The following DLC1 variants were observed in gnomAD, a reference collection of about 807,000 sequenced individuals.
The protein encoded by DLC1 is DLC1 Rho GTPase activating protein.
Under a neutral mutation model 140.3 loss-of-function variants are expected in DLC1, and 54 were observed. That is an observed-to-expected ratio of 0.38 (90% CI 0.31 to 0.48). The LOEUF (loss-of-function observed/expected upper bound fraction) is 0.48, where lower values mean the gene tolerates loss of function less well. Ranked by LOEUF, DLC1 falls within the 20% of genes least tolerant of loss-of-function variation. DLC1 has a pLI of 0.96. For synonymous variants in DLC1, 986 were observed against 728.1 expected (o/e 1.35, Z -5.70); for missense variants, 2,536 against 1,907.0 (o/e 1.33, Z -6.14).
At chr8:13,144,492 A>G (rs1312529743) in intron 5 of DLC1, among the ~76,000 whole-genome samples, 1 of 152,208 alleles carries the variant, frequency 6.6e-6, no homozygotes, top group African/African-American at 2.4e-5. Flanking sequence ...CGGGCCCAGC[A>G]CAGTGGCTCA....
intron 1 of DLC1, among the ~76,000 whole-genome samples, chr8:13,542,550 T>A (rs1803520460): frequency 6.6e-6 from 1 of 152,170 alleles, no homozygotes; most frequent in Non-Finnish European, 1.5e-5. Flanking sequence ...ATCAATTTCT[T>A]TGAAAGAAAG....
intron 15 of DLC1, 114 bp downstream of exon 15, chr8:13,090,138 G>A: frequency 1.0e-6 from 1 of 965,036 alleles, no homozygotes; most frequent in Non-Finnish European, 1.5e-6. Context: ...CTCTACAAGG[G>A]AGGTTGTGGG....
At chr8:13,517,922 G>A (rs1009111987), upstream of DLC1, among the ~76,000 whole-genome samples, 1 of 152,028 alleles carries the variant, frequency 6.6e-6, no homozygotes, top group Non-Finnish European at 1.5e-5. Flanking sequence ...TTAAATTATT[G>A]CCTTTTTTAA....
At chr8:13,507,771 G>A (rs1802165258) in intron 1 of DLC1, among the ~76,000 whole-genome samples, 1 of 152,120 alleles carries the variant, frequency 6.6e-6, no homozygotes, top group Non-Finnish European at 1.5e-5. Context: ...TGTCTGGAAA[G>A]CATCAAAAAC....
chr8:13,368,141 C>T (rs1178437296), intron 4 of DLC1, among the ~76,000 whole-genome samples: 6 of 152,110 alleles, frequency 3.9e-5, no homozygotes, highest in Admixed American at 6.5e-5. Flanking sequence ...AAAGTTAGAG[C>T]TCTTCTGTTG....
chr8:13,570,037 T>C (rs1282742001), intron 1 of DLC1, among the ~76,000 whole-genome samples: 1 of 152,250 alleles, frequency 6.6e-6, no homozygotes, highest in South Asian at 2.1e-4. Flanking sequence ...CCCAGAATTA[T>C]TTTTCTAACA....
chr8:13,506,029 T>C (rs1037220581), intron 1 of DLC1, among the ~76,000 whole-genome samples: 1 of 144,200 alleles, frequency 6.9e-6, no homozygotes, highest in African/African-American at 2.5e-5. Flanking sequence ...TATTTTGTCC[T>C]TTGAGAATAC....
At chr8:13,092,515 G>A in intron 13 of DLC1, 97 bp downstream of exon 13, 2 of 1,364,784 alleles carry the variant, frequency 1.5e-6, no homozygotes, top group Non-Finnish European at 2.0e-6. Flanking sequence ...CTTCTTGCTT[G>A]TTTCAGGAAA....
upstream of DLC1, among the ~76,000 whole-genome samples, chr8:13,517,171 T>C (rs186998873): frequency 1.1e-4 from 16 of 152,290 alleles, no homozygotes; most frequent in East Asian, 2.3e-3. Context: ...TTTCCTAATA[T>C]AACTTGATAT....
chr8:13,236,425 T>C (rs895914544), intron 5 of DLC1, among the ~76,000 whole-genome samples: 35 of 152,266 alleles, frequency 2.3e-4, no homozygotes, highest in African/African-American at 7.7e-4. Context: ...TAAATTGGCA[T>C]TGAAAACAGA....
At chr8:13,181,859 G>A (rs1442056706) in intron 5 of DLC1, among the ~76,000 whole-genome samples, 1 of 152,088 alleles carries the variant, frequency 6.6e-6, no homozygotes, top group African/African-American at 2.4e-5. Flanking sequence ...CCCAGTAATG[G>A]GATTTTGGGG....
rs1039737134 is a variant in DLC1 at position 13,567,820 on chromosome 8, G to A, written c.-126+36717C>T. 1.9e-6 allele frequency: 3 copies of A among 1,551,704 alleles called. No homozygotes were observed. The African/African-American group carries it at 4.1e-5, about 21-fold the overall frequency. On this transcript the variant is annotated intron_variant, in intron 1 of 1. Coordinates refer to the DLC1 transcript ENST00000631382. ...AAGTCATATCAGATACTCTGGTTTTGAAAGATCAGAGACAGAGCAGAAGTT... is the reference window on the plus strand; with the variant it reads ...AAGTCATATCAGATACTCTGGTTTTAAAAGATCAGAGACAGAGCAGAAGTT...
At chr8:13,201,207 A>T (rs1827362354) in intron 5 of DLC1, among the ~76,000 whole-genome samples, 1 of 152,184 alleles carries the variant, frequency 6.6e-6, no homozygotes, top group Non-Finnish European at 1.5e-5. Flanking sequence ...GGAATCTTTC[A>T]GAGTTGCATT....
intron 5 of DLC1, among the ~76,000 whole-genome samples, chr8:13,289,504 T>A (rs1586076966): frequency 6.6e-6 from 1 of 151,974 alleles, no homozygotes; most frequent in East Asian, 1.9e-4. Context: ...TTGTTCAAAT[T>A]TTTTTTTGTA....
At chr8:13,215,287 T>C (rs1039052272) in intron 5 of DLC1, among the ~76,000 whole-genome samples, 19 of 152,150 alleles carry the variant, frequency 1.2e-4, no homozygotes, top group African/African-American at 2.4e-5. Context: ...ACTCTGAATT[T>C]AAATATTAAA....
chr8:13,288,355 C>T (rs1831614807), intron 5 of DLC1, among the ~76,000 whole-genome samples: 1 of 152,170 alleles, frequency 6.6e-6, no homozygotes, highest in South Asian at 2.1e-4. Context: ...ATTATAATCA[C>T]TCTTTGAGGG....
chr8:13,126,164 G>A (rs1821543750), intron 5 of DLC1, among the ~76,000 whole-genome samples: 2 of 152,162 alleles, frequency 1.3e-5, no homozygotes, highest in African/African-American at 2.4e-5. Flanking sequence ...GGCTTGTGCG[G>A]ATCCAGTTAT....
chr8:13,105,407 T>C (rs902289065), intron 7 of DLC1, among the ~76,000 whole-genome samples: 1 of 152,138 alleles, frequency 6.6e-6, no homozygotes, highest in Non-Finnish European at 1.5e-5. Context: ...CCAGGCACTA[T>C]GCTAGGCACT....
intron 5 of DLC1, among the ~76,000 whole-genome samples, chr8:13,147,198 G>A (rs1000748841): frequency 1.3e-5 from 2 of 152,140 alleles, no homozygotes; most frequent in Non-Finnish European, 2.9e-5. Context: ...TAGTTTCTAA[G>A]TAAGACTGCC....
Sources: gnomAD v4.1 joint callset for allele counts (sites outside exome capture counted in the v4.1 genomes callset) on GRCh38, gnomAD v4.1.1 for gene constraint, MANE v1.5 for transcripts, NCBI Gene and HGNC (gene_info 2026-07-23, HGNC 2026-07-21) for gene names.